OSBPL3: variants seen among roughly 807,000 people sequenced by gnomAD.
OSBPL3 encodes oxysterol-binding protein-related protein 3.
Under a neutral mutation model 120.1 loss-of-function variants are expected in OSBPL3, and 65 were observed. The observed-to-expected ratio is 0.54, with a 90% CI of 0.44 to 0.67. OSBPL3 has a LOEUF of 0.67. Among genes scored for constraint, OSBPL3 ranks in the 30% least tolerant of loss-of-function variants. The probability of loss-of-function intolerance (pLI) is 0.00; values close to 1 mark genes in which losing one functional copy is unlikely to be tolerated. For synonymous variants in OSBPL3, 416 were observed against 402.6 expected, an observed-to-expected ratio of 1.03 and a Z score of -0.40; for missense variants, 1,004 against 1,082.1, an observed-to-expected ratio of 0.93 and a Z score of 1.01.
At chr7:24,925,854 T>C (rs1330413991) in intron 1 of OSBPL3, among the ~76,000 whole-genome samples, 8 of 152,256 alleles carry the variant, frequency 5.3e-5, no homozygotes, top group Admixed American at 5.2e-4. Context: ...TCACCCAGAT[T>C]TGTGATGTGG....
At chr7:24,929,299 C>T (rs760955669) in intron 1 of OSBPL3, among the ~76,000 whole-genome samples, 2 of 152,292 alleles carry the variant, frequency 1.3e-5, no homozygotes, top group African/African-American at 2.4e-5. Flanking sequence ...ACTGAAAGGT[C>T]GCTGGATCAG....
chr7:24,853,849 T>C (rs1294624597), intron 10 of OSBPL3, among the ~76,000 whole-genome samples: 6 of 152,330 alleles, frequency 3.9e-5, no homozygotes, highest in Middle Eastern at 3.4e-3. Context: ...GTATAATTCT[T>C]GCAACTTTTC....
intron 20 of OSBPL3, among the ~76,000 whole-genome samples, chr7:24,807,645 T>G (rs542784147): frequency 6.6e-6 from 1 of 152,338 alleles, no homozygotes; most frequent in East Asian, 1.9e-4. Context: ...CCTAGAACAG[T>G]GCTGAACACA....
chr7:24,949,979 T>C (rs926388160), intron 1 of OSBPL3, among the ~76,000 whole-genome samples: 13 of 152,182 alleles, frequency 8.5e-5, no homozygotes, highest in African/African-American at 2.2e-4. Flanking sequence ...AATTTATCAA[T>C]ACTTCATGCT....
intron 1 of OSBPL3, among the ~76,000 whole-genome samples, chr7:24,950,924 G>A (rs539653615): frequency 7.2e-5 from 11 of 151,968 alleles, no homozygotes; most frequent in African/African-American, 2.4e-4. Context: ...AGAGGAGACT[G>A]AACTTGAGTT....
chr7:24,866,543 A>C (rs1469793985), intron 5 of OSBPL3, among the ~76,000 whole-genome samples: 1 of 152,112 alleles, frequency 6.6e-6, no homozygotes, highest in Non-Finnish European at 1.5e-5. Context: ...CGGGAGGCTG[A>C]GGTGGGAGGA....
intron 1 of OSBPL3, among the ~76,000 whole-genome samples, chr7:24,979,146 A>C (rs1235043826): frequency 6.6e-6 from 1 of 152,190 alleles, no homozygotes; most frequent in Admixed American, 6.5e-5. Flanking sequence ...AACTGTAGAC[A>C]ACGTTCAGAC....
chr7:24,963,859 C>T (rs1816075469), intron 1 of OSBPL3, among the ~76,000 whole-genome samples: 1 of 151,882 alleles, frequency 6.6e-6, no homozygotes. Flanking sequence ...ACCAATATCA[C>T]CCATGCAAAA....
At chr7:24,880,037 G>C (rs7785090) in intron 2 of OSBPL3, among the ~76,000 whole-genome samples, 12,870 of 152,162 alleles carry the variant, frequency 0.085, 703 homozygotes, top group African/African-American at 0.14. Flanking sequence ...AAAACATCCA[G>C]CCCATAAATG....
chr7:24,851,461 C>T lies in OSBPL3; in HGVS notation c.1158+1043G>A, dbSNP rs951243572. On this transcript the variant is annotated intron_variant, in intron 11 of 22. Transcript: ENST00000313367. This position sits in a 1 kb window ranked among gnomAD's most constrained non-coding sequence, Gnocchi z 4.1. ...TTTATCACTAACATTATATTAAGAG[C>T]ATCACTTTTCTTGGCAATACGATAA... Among the ~76,000 whole-genome samples, 2 of 152,172 alleles carry T rather than the reference C, an allele frequency of 1.3e-5. No homozygotes were observed. Among genetic ancestry groups the T allele is most frequent in the Non-Finnish European group, 2.9e-5 (2 of 68,030 alleles).
At position 24,979,706 on chromosome 7, in the gene OSBPL3, C is replaced by G. The variant is rs1251017506; in HGVS notation, c.-150+180G>C. Among the ~76,000 whole-genome samples the G allele has an allele frequency of 2.0e-5, 3 of 152,176 alleles. No homozygotes were observed. The East Asian group carries it at 5.8e-4, about 29-fold the overall frequency. On this transcript the variant is annotated intron_variant, in intron 1 of 22. Transcript: ENST00000313367. Reference sequence around the variant, plus strand: ...GTCCTCCTTCCCCGGGAGCTGCAGCCGGCACCCAAGCTCCCAGGCTTGGGT... The same window carrying G: ...GTCCTCCTTCCCCGGGAGCTGCAGCGGGCACCCAAGCTCCCAGGCTTGGGT...
At chr7:24,905,933 G>A (rs1807841976) in intron 1 of OSBPL3, among the ~76,000 whole-genome samples, 2 of 151,908 alleles carry the variant, frequency 1.3e-5, no homozygotes, top group Admixed American at 1.3e-4. Flanking sequence ...TTGGGAGGCT[G>A]AGGCAGGAGA....
intron 5 of OSBPL3, among the ~76,000 whole-genome samples, chr7:24,866,594 T>C (rs574215784): frequency 2.4e-4 from 37 of 151,926 alleles, no homozygotes; most frequent in African/African-American, 3.6e-4. Context: ...TGAACCGAGA[T>C]TGAGCCACTG....
chr7:24,924,088 G>A (rs150210355), intron 1 of OSBPL3, among the ~76,000 whole-genome samples: 24 of 152,274 alleles, frequency 1.6e-4, no homozygotes, highest in Admixed American at 3.3e-4. Context: ...ATAGGAAAAA[G>A]TGTATACAAC....
rs547152164 is a variant in OSBPL3 at position 24,834,826 on chromosome 7, T to C, written c.1496-90A>G. ...CACGAATAAAACCTTACGTAGCAAG[T>C]AGTCAATGTTACTATTAAACTCAGT... On this transcript the variant is annotated intron_variant, in intron 14 of 22. Transcript: ENST00000313367. The surrounding 1 kb of genome is among the most constrained non-coding windows in gnomAD (Gnocchi z 5.2). 1.3e-5 allele frequency: 15 copies of C among 1,165,876 alleles called. No individual in the cohort carries two copies. In the South Asian group the frequency reaches 2.3e-4, roughly 18 times the overall value. 72.2% of individuals were successfully genotyped at this position (1,165,876 alleles called of 1,614,324 possible). A position where few individuals can be genotyped will look rare whatever the true frequency, so the allele number is the denominator to read the frequency against.
Position 24,870,826 on chromosome 7 carries a change from T to C in OSBPL3, c.287A>G (p.His96Arg). The C allele has an allele frequency of 6.2e-7, 1 of 1,613,218 alleles. No homozygotes were observed. The highest frequency in any genetic ancestry group is 8.5e-7 in the Non-Finnish European group (1 of 1,179,156). ...SQTDIEREKL[H>R]GCIDVGLSVM... is the part of the protein sequence containing the mutation. ...TGAGAGCCCGACATCAATGCAGCCA[T>C]GCAGCTTCTCTCTCTCTATCTGCAG... The change falls in exon 5 of 23, where the codon CAT becomes CGT. Residue 96 changes from histidine (H) to arginine (R), a missense_variant. By Grantham distance (29) the His-to-Arg change is conservative. Transcript: ENST00000313367.
rs1415734123 is a variant in OSBPL3 at position 24,912,084 on chromosome 7, T to C, written c.-149-19463A>G. On this transcript the variant is annotated intron_variant, in intron 1 of 22. Transcript: ENST00000313367. The surrounding 1 kb of genome is among the most constrained non-coding windows in gnomAD (Gnocchi z 4.5). ...GACACGGTAGGTAGTAGGTTATTTG[T>C]TTATCAAATTGATAACCTGTGTTCC... is the stretch of plus-strand genomic sequence containing the variant. 6.6e-6 allele frequency among the ~76,000 whole-genome samples: 1 copy of C among 152,228 alleles called. No homozygotes were observed. The highest frequency in any genetic ancestry group is 1.5e-5 in the Non-Finnish European group (1 of 68,028).
At chr7:24,848,741 C>G (rs1798742379) in intron 12 of OSBPL3, among the ~76,000 whole-genome samples, 1 of 151,626 alleles carries the variant, frequency 6.6e-6, no homozygotes, top group South Asian at 2.1e-4. Context: ...TCAGTAGTAA[C>G]AAGAGAAAAT....
At chr7:24,841,631 G>A (rs1797756118) in intron 13 of OSBPL3, among the ~76,000 whole-genome samples, 1 of 139,738 alleles carries the variant, frequency 7.2e-6, no homozygotes, top group South Asian at 2.4e-4. Flanking sequence ...GGAGGCAGAG[G>A]TTGCAGTGAG....
Sources: allele counts gnomAD v4.1 joint callset (sites outside exome capture counted in the v4.1 genomes callset), GRCh38; gene constraint gnomAD v4.1.1; non-coding constraint Gnocchi (gnomAD v3.1); transcripts MANE v1.5; gene names NCBI Gene and HGNC (gene_info 2026-07-23, HGNC 2026-07-21).